The following PCDHGA1 variants were observed in gnomAD, a reference collection of about 807,000 sequenced individuals.
PCDHGA1 encodes protocadherin gamma-A1.
Under a neutral mutation model 58.0 loss-of-function variants are expected in PCDHGA1, and 32 were observed. The observed-to-expected ratio is 0.55, with a 90% confidence interval of 0.42 to 0.74. The LOEUF is 0.74. PCDHGA1 is among the 30% of genes least tolerant of loss of function. PCDHGA1 has a pLI of 0.00. For synonymous variants in PCDHGA1, 498 were observed against 501.1 expected, an observed-to-expected ratio of 0.99 and a Z score of 0.08; for missense variants, 1,205 against 1,182.3, an observed-to-expected ratio of 1.02 and a Z score of -0.28.
chr5:141,362,276 G>A (rs1762413710), intron 1 of PCDHGA1: 17 of 1,613,888 alleles, frequency 1.1e-5, no homozygotes, highest in Middle Eastern at 1.6e-4. Flanking sequence ...ATCTCCCTGC[G>A]CCTGCGACTC....
intron 1 of PCDHGA1, among the ~76,000 whole-genome samples, chr5:141,481,426 A>G (rs1431602618): frequency 6.6e-6 from 1 of 152,238 alleles, no homozygotes; most frequent in Non-Finnish European, 1.5e-5. Flanking sequence ...TGTGATGATG[A>G]TTGTATCAGT....
rs775092851 is a variant in PCDHGA1 at position 141,388,890 on chromosome 5, A to G, written c.2421+55785A>G. ...GCAATGCACAGTGGAGGTAGAAGTC[A>G]TAGATGAAAATGACAACGCCCCAGA... On this transcript the variant is annotated intron_variant, in intron 1 of 3. Coordinates refer to ENST00000517417, the MANE Select transcript of PCDHGA1 (RefSeq NM_018912.3). The G allele has an allele frequency of 3.7e-6, 6 of 1,613,888 alleles. No individual in the cohort carries two copies. The African/African-American group carries it at 6.7e-5, about 18-fold the overall frequency.
chr5:141,477,890 C>T lies in PCDHGA1; in HGVS notation c.2422-16917C>T, dbSNP rs202114426. ...TACCTCAGCTGGCCACCTAGTGTCA[C>T]GGGTGGTAGGCTGGGACGCGGATGC... is the stretch of plus-strand genomic sequence containing the variant. On this transcript the variant is annotated intron_variant, in intron 1 of 3. Coordinates refer to ENST00000517417, the MANE Select transcript of PCDHGA1 (RefSeq NM_018912.3). This position sits in a 1 kb window ranked among gnomAD's most constrained non-coding sequence, Gnocchi z 4.9. 9.9e-6 allele frequency: 16 copies of T among 1,614,086 alleles called. No individual in the cohort carries two copies. Among genetic ancestry groups the T allele is most frequent in the Admixed American group, 1.7e-5 (1 of 60,006 alleles).
Position 141,477,443 on chromosome 5 carries a change from G to C in PCDHGA1, c.2422-17364G>C. The C allele has an allele frequency of 6.2e-7, 1 of 1,614,136 alleles. No individual in the cohort carries two copies. Among genetic ancestry groups the C allele is most frequent in the Non-Finnish European group, 8.5e-7 (1 of 1,180,024 alleles). ...CCCTTCCCTCTCAGCCCTTACAATA[G>C]TGCGTGTTCAAGTGTCCGACATCAA... On this transcript the variant is annotated intron_variant, in intron 1 of 3. Coordinates refer to ENST00000517417, the MANE Select transcript of PCDHGA1 (RefSeq NM_018912.3). This position sits in a 1 kb window ranked among gnomAD's most constrained non-coding sequence, Gnocchi z 4.9.
At position 141,351,652 on chromosome 5, in the gene PCDHGA1, C is replaced by A. The variant is rs778580373; in HGVS notation, c.2421+18547C>A. On this transcript the variant is annotated intron_variant, in intron 1 of 3. Coordinates refer to ENST00000517417, the MANE Select transcript of PCDHGA1 (RefSeq NM_018912.3). ...ACGTGTCTGAGAACAACCCACCTGG[C>A]GCCTCCATTGCACAAGTAAGCGCCT... The A allele has an allele frequency of 1.7e-4, 281 of 1,614,054 alleles. 2 individuals carry two copies. In the Admixed American group the frequency reaches 3.6e-3, roughly 21 times the overall value.
At position 141,477,592 on chromosome 5, in the gene PCDHGA1, T is replaced by G; in HGVS notation, c.2422-17215T>G. On this transcript the variant is annotated intron_variant, in intron 1 of 3. Coordinates refer to ENST00000517417, the MANE Select transcript of PCDHGA1 (RefSeq NM_018912.3). The surrounding 1 kb of genome is among the most constrained non-coding windows in gnomAD (Gnocchi z 4.9). ...CCGACGCCCCGCAGAATGCTCGGCT[T>G]TCTTTCTTTCTCTTGGAGCAAGGAG... The G allele has an allele frequency of 6.2e-7, 1 of 1,614,142 alleles. No homozygotes were observed. Among genetic ancestry groups the G allele is most frequent in the Non-Finnish European group, 8.5e-7 (1 of 1,180,014 alleles).
chr5:141,431,351 C>A lies in PCDHGA1; in HGVS notation c.2422-63456C>A. On this transcript the variant is annotated intron_variant, in intron 1 of 3. Coordinates refer to ENST00000517417, the MANE Select transcript of PCDHGA1 (RefSeq NM_018912.3). The surrounding 1 kb of genome is among the most constrained non-coding windows in gnomAD (Gnocchi z 4.8). ...TAAGTACCCCGAATTGGTGCTGAAA[C>A]GCGCCCTGGACCGCGAAGAAAAGGC... The A allele has an allele frequency of 6.2e-7, 1 of 1,614,064 alleles. No individual in the cohort carries two copies. The highest frequency in any genetic ancestry group is 8.5e-7 in the Non-Finnish European group (1 of 1,180,042).
chr5:141,432,090 A>T lies in PCDHGA1; in HGVS notation c.2422-62717A>T. 1 of 1,614,164 alleles carries T rather than the reference A, an allele frequency of 6.2e-7. No homozygotes were observed. Among genetic ancestry groups the T allele is most frequent in the Non-Finnish European group, 8.5e-7 (1 of 1,180,034 alleles). On this transcript the variant is annotated intron_variant, in intron 1 of 3. Transcript: ENST00000517417. The surrounding 1 kb of genome is among the most constrained non-coding windows in gnomAD (Gnocchi z 6.0). ...ACTCATATCTCGCTGAACGTGGCAG[A>T]CACCAACGACAACCCGCCGGTCTTC... is the stretch of plus-strand genomic sequence containing the variant.
At chr5:141,465,229 A>G (rs1010075158) in intron 1 of PCDHGA1, among the ~76,000 whole-genome samples, 6 of 152,208 alleles carry the variant, frequency 3.9e-5, no homozygotes, top group Non-Finnish European at 2.9e-5. Flanking sequence ...CATGAGCTCC[A>G]TCAAGTTCAA....
chr5:141,400,453 C>G, intron 1 of PCDHGA1: 2 of 1,614,056 alleles, frequency 1.2e-6, no homozygotes, highest in South Asian at 2.2e-5. Flanking sequence ...ACAAGACATA[C>G]TTTGTGGTGA....
rs762738990 is a variant in PCDHGA1, at chr5:141,404,672, G to C, written c.2421+71567G>C. 8.0e-5 allele frequency: 129 copies of C among 1,614,038 alleles called. 1 individual carries two copies. The South Asian group carries it at 1.4e-3, about 18-fold the overall frequency. ...TGCCCTCCCCACTGATGGTTCTACT[G>C]GTGTGGAGCTGGCACCCCGCTCTGC... On this transcript the variant is annotated intron_variant, in intron 1 of 3. Coordinates refer to ENST00000517417, the MANE Select transcript of PCDHGA1 (RefSeq NM_018912.3).
At chr5:141,384,512 G>A (rs1780165876) in intron 1 of PCDHGA1, 1 of 1,614,062 alleles carries the variant, frequency 6.2e-7, no homozygotes, top group Admixed American at 1.7e-5. Context: ...CATGACAGCG[G>A]GGACCCGCCT....
At chr5:141,372,999 A>T (rs978002014) in intron 1 of PCDHGA1, among the ~76,000 whole-genome samples, 9 of 152,148 alleles carry the variant, frequency 5.9e-5, no homozygotes, top group Non-Finnish European at 7.3e-5. Flanking sequence ...TTGTTCTTTC[A>T]TAGAAAGCCT....
In PCDHGA1 at chr5:141,347,143, CTT is replaced by C. The variant is rs1561493446; in HGVS notation, c.2421+14040_2421+14041del. On this transcript the variant is annotated intron_variant, in intron 1 of 3. Transcript: ENST00000517417. ...CCTTCCTTCCTCTGTTTCTCTCTTTCTTTCTTTCTTTCTTTCTTTCTTTCTTT... is the reference window on the plus strand; with the variant it reads ...CCTTCCTTCCTCTGTTTCTCTCTTTCTCTTTCTTTCTTTCTTTCTTTCTTT... Among the ~76,000 whole-genome samples the C allele has an allele frequency of 2.9e-5, 3 of 103,960 alleles. No homozygotes were observed. The East Asian group carries it at 6.4e-4, about 22-fold the overall frequency. 68.2% of individuals were successfully genotyped at this position (103,960 alleles called of 152,430 possible).
intron 1 of PCDHGA1, among the ~76,000 whole-genome samples, chr5:141,468,738 T>C (rs965510711): frequency 3.0e-4 from 46 of 151,958 alleles, no homozygotes; most frequent in South Asian, 2.1e-3. Flanking sequence ...TGGTGGCGGG[T>C]GCCTGTAGTC....
At chr5:141,384,290 A>T in intron 1 of PCDHGA1, 1 of 1,613,874 alleles carries the variant, frequency 6.2e-7, no homozygotes, top group Non-Finnish European at 8.5e-7. Context: ...ATCGCTGAGA[A>T]CAACCCCAGA....
chr5:141,483,013 A>C (rs2154579792), intron 1 of PCDHGA1, among the ~76,000 whole-genome samples: 1 of 152,106 alleles, frequency 6.6e-6, no homozygotes, highest in Middle Eastern at 3.4e-3. Flanking sequence ...TGAACCCGGG[A>C]GGCAGAGGTT....
rs901230493 is a variant in PCDHGA1, at chr5:141,487,514, C to T, written c.2422-7293C>T. 7 of 1,614,150 alleles carry T rather than the reference C, an allele frequency of 4.3e-6. No homozygotes were observed. The highest frequency in any genetic ancestry group is 1.1e-5 in the South Asian group (1 of 91,070). On this transcript the variant is annotated intron_variant, in intron 1 of 3. Transcript: ENST00000517417. The surrounding 1 kb of genome is among the most constrained non-coding windows in gnomAD (Gnocchi z 5.0). Reference sequence around the variant, plus strand: ...TACACCCTTGGCTTCTGCACCCACTCGGAGTGATAGCTTCATGATGGTGAA... The same window carrying T: ...TACACCCTTGGCTTCTGCACCCACTTGGAGTGATAGCTTCATGATGGTGAA...
At position 141,332,518 on chromosome 5, in the gene PCDHGA1, A is replaced by T; in HGVS notation, c.1834A>T (p.Ser612Cys). The change falls in exon 1 of 4, where the codon AGC becomes TGC. Residue 612 changes from serine to cysteine, a missense_variant. Physicochemically the swap from Ser to Cys is moderately radical, Grantham distance 112 (BLOSUM62 -1). Coordinates refer to ENST00000517417, the MANE Select transcript of PCDHGA1 (RefSeq NM_018912.3). This position sits in a 1 kb window ranked among gnomAD's most constrained non-coding sequence, Gnocchi z 4.6. ...GCTGTCCTACCGCCTGCTCAAGGCC[A>T]GCGAGCCGGGACTCTTCTCGGTGGG... ...AWLSYRLLKASEPGLFSVGLH... is the reference protein window; with the variant it reads ...AWLSYRLLKACEPGLFSVGLH... The T allele has an allele frequency of 1.2e-6, 2 of 1,611,972 alleles. No individual in the cohort carries two copies. The highest frequency in any genetic ancestry group is 1.7e-6 in the Non-Finnish European group (2 of 1,179,802).
Sources: allele counts gnomAD v4.1 joint callset (sites outside exome capture counted in the v4.1 genomes callset), GRCh38; gene constraint gnomAD v4.1.1; non-coding constraint Gnocchi (gnomAD v3.1); transcripts MANE v1.5; gene names NCBI Gene and HGNC (gene_info 2026-07-23, HGNC 2026-07-21).